The following PTPN12 variants were observed in gnomAD, a reference collection of about 807,000 sequenced individuals.
PTPN12 encodes tyrosine-protein phosphatase non-receptor type 12.
PTPN12 carries 29 observed loss-of-function variants against 97.6 expected under a neutral mutation model. The ratio of observed to expected loss-of-function variants is 0.30; its 90% CI spans 0.22 to 0.41. The LOEUF (loss-of-function observed/expected upper bound fraction) is 0.41. Among genes scored for constraint, PTPN12 ranks in the 10% least tolerant of loss-of-function variants. PTPN12 has a pLI of 1.00. For missense variants in PTPN12, 819 were observed against 926.0 expected (o/e 0.88, Z 1.50); for synonymous variants, 327 against 300.4 (o/e 1.09, Z -0.91).
intron 4 of PTPN12, 52 bp downstream of exon 4, chr7:77,583,702 A>G (rs576731593): frequency 3.7e-5 from 43 of 1,170,964 alleles, no homozygotes; most frequent in Non-Finnish European, 5.0e-5. Flanking sequence ...ATGTAATAAC[A>G]TAGGCTATTT....
intron 7 of PTPN12, among the ~76,000 whole-genome samples, chr7:77,598,286 T>C (rs1421284410): frequency 6.6e-6 from 1 of 152,136 alleles, no homozygotes; most frequent in Non-Finnish European, 1.5e-5. Context: ...AAACCACCTA[T>C]TGGGTAGTAT....
intron 16 of PTPN12, among the ~76,000 whole-genome samples, chr7:77,638,253 TG>T: frequency 6.6e-6 from 1 of 152,012 alleles, no homozygotes; most frequent in East Asian, 2.0e-4. Context: ...CCACCGCGCC[TG>T]GCCTGACCTT....
At chr7:77,601,043 A>G (rs1380305615) in intron 8 of PTPN12, 6 of 422,314 alleles carry the variant, frequency 1.4e-5, no homozygotes, top group Non-Finnish European at 2.5e-5. Flanking sequence ...GTGGGAAGCT[A>G]TAGAACATAC....
intron 1 of PTPN12, among the ~76,000 whole-genome samples, chr7:77,549,243 A>G (rs2151299064): frequency 6.6e-6 from 1 of 152,334 alleles, no homozygotes; most frequent in South Asian, 2.1e-4. Context: ...AGTGTCTAGT[A>G]GAGAATCCTT....
chr7:77,604,013 C>G (rs1436842936), intron 8 of PTPN12, among the ~76,000 whole-genome samples: 3 of 149,524 alleles, frequency 2.0e-5, no homozygotes, highest in Admixed American at 2.0e-4. Flanking sequence ...CTCAGCCTCC[C>G]GAGTACTGGG....
chr7:77,550,599 G>A (rs762508216), intron 1 of PTPN12, among the ~76,000 whole-genome samples: 1 of 152,198 alleles, frequency 6.6e-6, no homozygotes. Context: ...GAAACAAAAC[G>A]AAGGCAGAAG....
rs1789690201 is a variant in PTPN12 at position 77,638,628 on chromosome 7, T to C, written c.2178T>C (p.His726=). ...AGGCTTTGTGTTGCTACTTAGATCATCCAGCGGGAGGTATTCACTATGAAA... is the reference window on the plus strand; with the variant it reads ...AGGCTTTGTGTTGCTACTTAGATCACCCAGCGGGAGGTATTCACTATGAAA... The part of the protein sequence containing the change: ...LITSENEKCD[H]PAGGIHYEMC... The change falls in exon 17 of 18, where the codon CAT becomes CAC. Residue 726 remains histidine, a synonymous_variant. Coordinates refer to ENST00000248594, the MANE Select transcript of PTPN12 (RefSeq NM_002835.4). 6.3e-7 allele frequency: 1 copy of C among 1,590,976 alleles called. No individual in the cohort carries two copies. Among genetic ancestry groups the C allele is most frequent in the Non-Finnish European group, 8.5e-7 (1 of 1,171,462 alleles).
chr7:77,600,905 C>G, intron 8 of PTPN12, 99 bp downstream of exon 8: 1 of 1,077,454 alleles, frequency 9.3e-7, no homozygotes, highest in Non-Finnish European at 1.3e-6. Flanking sequence ...TTGAATTTCT[C>G]CTAGCCTTGA....
chr7:77,561,654 G>A (rs567787344), intron 1 of PTPN12, among the ~76,000 whole-genome samples: 8 of 152,174 alleles, frequency 5.3e-5, no homozygotes, highest in Non-Finnish European at 8.8e-5. Context: ...CTACTAATTT[G>A]GGAGTCTTTG....
chr7:77,632,246 ATCTAG>A, intron 13 of PTPN12, 97 bp from the exon 14 acceptor site: 1 of 882,456 alleles, frequency 1.1e-6, no homozygotes, highest in Non-Finnish European at 1.8e-6. Context: ...TTAAAAACTG[ATCTAG>A]ATATTTGTGA....
At chr7:77,559,777 CA>C (rs1341080919) in intron 1 of PTPN12, among the ~76,000 whole-genome samples, 1 of 152,200 alleles carries the variant, frequency 6.6e-6, no homozygotes, top group Non-Finnish European at 1.5e-5. Flanking sequence ...TTACGTCTAG[CA>C]GACTTGCCCT....
At chr7:77,603,931 C>T (rs867265823) in intron 8 of PTPN12, among the ~76,000 whole-genome samples, 52 of 144,554 alleles carry the variant, frequency 3.6e-4, no homozygotes, top group African/African-American at 1.2e-3. Context: ...CACTGTCGCC[C>T]GGGCTGGAGT....
chr7:77,537,388 C>T lies in PTPN12; in HGVS notation c.-159C>T. 1 of 1,087,294 alleles carries T rather than the reference C, an allele frequency of 9.2e-7. No individual in the cohort carries two copies. The highest frequency in any genetic ancestry group is 1.2e-6 in the Non-Finnish European group (1 of 823,812). The allele number at this position is 1,087,294 out of a possible 1,614,324, so 67.4% of individuals were successfully genotyped here. A position where few individuals can be genotyped will look rare whatever the true frequency, so the allele number is the denominator to read the frequency against. On this transcript the variant is annotated 5_prime_UTR_variant, in exon 1 of 18. Transcript: ENST00000248594. Reference sequence around the variant, plus strand: ...GCCCAGCCGGTGCCGCCGCAGCCGCCGCCTAGGGCGGTGGGGAGGAGGAGG... The same window carrying T: ...GCCCAGCCGGTGCCGCCGCAGCCGCTGCCTAGGGCGGTGGGGAGGAGGAGG...
intron 11 of PTPN12, among the ~76,000 whole-genome samples, chr7:77,616,579 C>G (rs543397708): frequency 2.6e-5 from 4 of 152,224 alleles, no homozygotes; most frequent in Non-Finnish European, 5.9e-5. Flanking sequence ...ATTTCATTGA[C>G]ATGACATGAG....
chr7:77,576,739 C>G (rs1414107483), intron 2 of PTPN12, among the ~76,000 whole-genome samples: 2 of 152,162 alleles, frequency 1.3e-5, no homozygotes, highest in Non-Finnish European at 2.9e-5. Flanking sequence ...AACAGCCACC[C>G]AAGTTCTTTC....
intron 5 of PTPN12, among the ~76,000 whole-genome samples, chr7:77,586,717 A>C (rs1315623648): frequency 3.9e-5 from 6 of 152,234 alleles, no homozygotes; most frequent in Admixed American, 3.9e-4. Flanking sequence ...ACTACTTGGC[A>C]AATTGGAGTC....
At chr7:77,538,247 T>C (rs73368541) in intron 1 of PTPN12, 65,297 of 324,626 alleles carry the variant, frequency 0.2, 8,410 homozygotes, top group East Asian at 0.7. Flanking sequence ...TGGGTTTACC[T>C]AATTTCCATT....
At position 77,639,439 on chromosome 7, in the gene PTPN12, C is replaced by A; in HGVS notation, c.*159C>A. ...GACCATCTACCTGCCTTATACTACA[C>A]TTAGGAAAAAGTATTACATATGGTT... is the stretch of plus-strand genomic sequence containing the variant. On this transcript the variant is annotated 3_prime_UTR_variant, in exon 18 of 18. Coordinates refer to ENST00000248594, the MANE Select transcript of PTPN12 (RefSeq NM_002835.4). 1.8e-6 allele frequency: 1 copy of A among 561,656 alleles called. No individual in the cohort carries two copies. Among genetic ancestry groups the A allele is most frequent in the Admixed American group, 3.5e-5 (1 of 28,350 alleles). 34.8% of individuals were successfully genotyped at this position (561,656 alleles called of 1,614,324 possible).
rs532728855 is a variant in PTPN12, at chr7:77,632,002, G to A, written c.1997-346G>A. Among the ~76,000 whole-genome samples, 3 of 152,296 alleles carry A rather than the reference G, an allele frequency of 2.0e-5. No individual in the cohort carries two copies. In the South Asian group the frequency reaches 6.2e-4, roughly 32 times the overall value. ...GGCTTAGGCGTTTCATAACGCAAAT[G>A]ACCAAAGCTTTCCTTTTTGGACACA... On this transcript the variant is annotated intron_variant, in intron 13 of 17. Transcript: ENST00000248594.
Sources: gnomAD v4.1 joint callset for allele counts (sites outside exome capture counted in the v4.1 genomes callset) on GRCh38, gnomAD v4.1.1 for gene constraint, MANE v1.5 for transcripts, NCBI Gene and HGNC (gene_info 2026-07-23, HGNC 2026-07-21) for gene names.